Variants in MAML1 observed in about 807,000 individuals in gnomAD.
MAML1 encodes mastermind like transcriptional coactivator 1.
In MAML1, 14 loss-of-function variants were observed where a neutral mutation model predicts 77.1. The ratio of observed to expected loss-of-function variants is 0.18; its 90% CI spans 0.12 to 0.28. The LOEUF (loss-of-function observed/expected upper bound fraction) is 0.28. Among genes scored for constraint, MAML1 ranks in the 10% least tolerant of loss-of-function variants. The pLI, the probability that MAML1 is intolerant of heterozygous loss-of-function variation, is 1.00. For synonymous variants in MAML1, 516 were observed against 551.9 expected (o/e 0.93, Z 0.91); for missense variants, 1,217 against 1,327.8 (o/e 0.92, Z 1.30).
intron 1 of MAML1, among the ~76,000 whole-genome samples, chr5:179,743,656 C>T (rs6887072): frequency 0.023 from 3,501 of 152,082 alleles, 169 homozygotes; most frequent in African/African-American, 0.08. Flanking sequence ...TGAGCCACTG[C>T]GCCCGGCCCT....
chr5:179,765,669 C>G lies in MAML1; in HGVS notation c.659C>G (p.Pro220Arg). The change falls in exon 2 of 5, where the codon CCT becomes CGT. Residue 220 changes from proline to arginine, a missense_variant. Transcript: ENST00000292599. ...CTGAATAAAGAACTGAAGCAGGAGCCTGTCGAAGACCTGCCTTGCATGATC... is the reference window on the plus strand; with the variant it reads ...CTGAATAAAGAACTGAAGCAGGAGCGTGTCGAAGACCTGCCTTGCATGATC... ...LSLNKELKQE[P>R]VEDLPCMITG... The G allele has an allele frequency of 6.2e-7, 1 of 1,614,208 alleles. No individual in the cohort carries two copies. The highest frequency in any genetic ancestry group is 8.5e-7 in the Non-Finnish European group (1 of 1,180,036).
chr5:179,759,758 G>A (rs1779690899), intron 1 of MAML1, among the ~76,000 whole-genome samples: 1 of 152,204 alleles, frequency 6.6e-6, no homozygotes, highest in Non-Finnish European at 1.5e-5. Context: ...ACCCTCACGT[G>A]GAGTCCCAGT....
chr5:179,749,593 C>T (rs1303317650), intron 1 of MAML1, among the ~76,000 whole-genome samples: 1 of 152,152 alleles, frequency 6.6e-6, no homozygotes, highest in African/African-American at 2.4e-5. Context: ...ATGTCATACT[C>T]CTTCTCAAGA....
rs1756136867 is a variant in MAML1 at position 179,776,520 on chromosome 5, C to T, written c.*1643C>T. 1.0e-6 allele frequency: 1 copy of T among 985,756 alleles called. No homozygotes were observed. The highest frequency in any genetic ancestry group is 1.2e-6 in the Non-Finnish European group (1 of 829,952). The allele number at this position is 985,756 out of a possible 1,614,324, so 61.1% of individuals were successfully genotyped here. On this transcript the variant is annotated 3_prime_UTR_variant, in exon 5 of 5. Coordinates refer to ENST00000292599, the MANE Select transcript of MAML1 (RefSeq NM_014757.5). ...TCCTTAAAACACCTTCCCTACCTTT[C>T]CCATGTACTCAGTTTAGCTCTCAAA... is the stretch of plus-strand genomic sequence containing the variant.
intron 1 of MAML1, among the ~76,000 whole-genome samples, chr5:179,735,278 C>T (rs1300088173): frequency 6.6e-6 from 1 of 152,354 alleles, no homozygotes; most frequent in East Asian, 1.9e-4. Flanking sequence ...CCAGTCCCAG[C>T]TTATCTCTTT....
chr5:179,764,236 G>A (rs1779771330), intron 1 of MAML1, among the ~76,000 whole-genome samples: 1 of 152,168 alleles, frequency 6.6e-6, no homozygotes, highest in South Asian at 2.1e-4. Context: ...GTTCCCCACA[G>A]CACTTGTCTC....
rs1175143597 is a variant in MAML1, at chr5:179,766,497, G to A, written c.1487G>A (p.Ser496Asn). 6.2e-7 allele frequency: 1 copy of A among 1,606,998 alleles called. No homozygotes were observed. The highest frequency in any genetic ancestry group is 1.7e-5 in the Admixed American group (1 of 58,520). Residue 496 changes from serine (S) to asparagine (N), a missense_variant, in exon 2 of 5, where the codon AGT becomes AAT. This residue lies in a region of MAML1 where 884 missense variants were observed against 949.3 expected (regional missense o/e 0.93). Transcript: ENST00000292599. This position sits in a 1 kb window ranked among gnomAD's most constrained non-coding sequence, Gnocchi z 4.0. ...AACCTGCTGAGTCACCAGCCACCGA[G>A]TAACTTGAATCAGAACTCCGCGAAT... ...HVNLLSHQPP[S>N]NLNQNSANNQ... is the part of the protein sequence containing the mutation.
chr5:179,740,215 G>A (rs1194624214), intron 1 of MAML1, among the ~76,000 whole-genome samples: 4 of 152,136 alleles, frequency 2.6e-5, no homozygotes, highest in Non-Finnish European at 5.9e-5. Flanking sequence ...CTGGAGCAGC[G>A]TGGCACCTAG....
chr5:179,755,453 A>G (rs190350660), intron 1 of MAML1, among the ~76,000 whole-genome samples: 6 of 152,358 alleles, frequency 3.9e-5, no homozygotes, highest in East Asian at 3.9e-4. Context: ...GAAAGTGAAC[A>G]TGTACAGTAC....
chr5:179,741,992 G>C (rs1203390770), intron 1 of MAML1, among the ~76,000 whole-genome samples: 1 of 151,674 alleles, frequency 6.6e-6, no homozygotes, highest in South Asian at 2.1e-4. Flanking sequence ...CCACCTCCTG[G>C]GTTCAAGCAA....
At chr5:179,737,724 T>C (rs1262413070) in intron 1 of MAML1, among the ~76,000 whole-genome samples, 2 of 101,390 alleles carry the variant, frequency 2.0e-5, no homozygotes, top group African/African-American at 5.7e-5. Context: ...ACTATCTGCT[T>C]AGTCTGTTAG....
At chr5:179,773,819 TG>T (rs1411353883) in intron 4 of MAML1, 75 bp from the exon 5 acceptor site, 50 of 1,532,078 alleles carry the variant, frequency 3.3e-5, no homozygotes, top group Middle Eastern at 1.9e-4. Context: ...GTGAGACTTC[TG>T]GTGCTGCGGC....
intron 1 of MAML1, among the ~76,000 whole-genome samples, chr5:179,752,325 CAAAAAAAAAAAAAA>C (rs1177449054): frequency 1.5e-4 from 8 of 53,676 alleles, no homozygotes; most frequent in South Asian, 2.0e-3. Flanking sequence ...ACTCTGTCTC[CAAAAAAAAAAAAAA>C]AAAAAAAAAA....
chr5:179,746,289 T>C (rs1431992610), intron 1 of MAML1, among the ~76,000 whole-genome samples: 1 of 151,922 alleles, frequency 6.6e-6, no homozygotes, highest in African/African-American at 2.4e-5. Context: ...GAGATTGCAG[T>C]GAGCGGAGAT....
intron 1 of MAML1, 64 bp from the exon 2 acceptor site, chr5:179,765,262 T>C: frequency 7.1e-7 from 1 of 1,412,914 alleles, no homozygotes; most frequent in Non-Finnish European, 9.7e-7. Context: ...AGCCCTTGGC[T>C]TGTTACTGTC....
Position 179,777,203 on chromosome 5 carries a change from A to C in MAML1, c.*2326A>C, listed in dbSNP as rs1307014739. 1.0e-6 allele frequency: 1 copy of C among 973,270 alleles called. No homozygotes were observed. The highest frequency in any genetic ancestry group is 1.2e-6 in the Non-Finnish European group (1 of 818,732). The allele number at this position is 973,270 out of a possible 1,614,324, so 60.3% of individuals were successfully genotyped here. A position where few individuals can be genotyped will look rare whatever the true frequency, so the allele number is the denominator to read the frequency against. ...ATCCCCATATTCTTCTACTGCCCTT[A>C]ACTCTGGTATACACCAAAAAGAAAT... On this transcript the variant is annotated 3_prime_UTR_variant, in exon 5 of 5. Coordinates refer to ENST00000292599, the MANE Select transcript of MAML1 (RefSeq NM_014757.5).
chr5:179,761,951 G>A (rs1490944241), intron 1 of MAML1, among the ~76,000 whole-genome samples: 5 of 152,146 alleles, frequency 3.3e-5, no homozygotes, highest in Admixed American at 1.3e-4. Context: ...GGGAACTGGT[G>A]GAGTTTGGCT....
At chr5:179,757,184 T>G (rs1006533524) in intron 1 of MAML1, among the ~76,000 whole-genome samples, 2 of 152,174 alleles carry the variant, frequency 1.3e-5, no homozygotes, top group South Asian at 4.1e-4. Flanking sequence ...TACAGAGCAG[T>G]GTCTGCTGTA....
rs1176721294 is a variant in MAML1 at position 179,775,603 on chromosome 5, A to G, written c.*726A>G. 3 of 985,268 alleles carry G rather than the reference A, an allele frequency of 3.0e-6. No individual in the cohort carries two copies. The East Asian group carries it at 3.4e-4, about 112-fold the overall frequency. 61.0% of individuals were successfully genotyped at this position (985,268 alleles called of 1,614,324 possible). On this transcript the variant is annotated 3_prime_UTR_variant, in exon 5 of 5. Transcript: ENST00000292599. ...CTAGCAGCTCCTCCTCCTCCCTCCCAAGGCCCCCAGGAATCCCTTCCTCCC... is the reference window on the plus strand; with the variant it reads ...CTAGCAGCTCCTCCTCCTCCCTCCCGAGGCCCCCAGGAATCCCTTCCTCCC...
Sources: gnomAD v4.1 joint callset for allele counts (sites outside exome capture counted in the v4.1 genomes callset) on GRCh38, gnomAD v4.1.1 for gene constraint, gnomAD v4.1.1 regional missense constraint, Gnocchi (gnomAD v3.1) non-coding constraint, MANE v1.5 for transcripts, NCBI Gene and HGNC (gene_info 2026-07-23, HGNC 2026-07-21) for gene names.